Variants in C10orf71 observed in about 807,000 individuals in gnomAD.
The protein encoded by C10orf71 is chromosome 10 open reading frame 71.
For missense variants in C10orf71, 1,869 were observed against 1,804.5 expected, an observed-to-expected ratio of 1.04 and a Z score of -0.65; for synonymous variants, 758 against 726.3, an observed-to-expected ratio of 1.04 and a Z score of -0.70.
intron 1 of C10orf71, among the ~76,000 whole-genome samples, chr10:49,312,377 G>A (rs1848929909): frequency 1.3e-5 from 2 of 152,242 alleles, no homozygotes; most frequent in African/African-American, 4.8e-5. Context: ...AGTGGAGGAA[G>A]TGCTGGAGGT....
chr10:49,317,478 G>A (rs1192321992), intron 2 of C10orf71, among the ~76,000 whole-genome samples: 2 of 152,212 alleles, frequency 1.3e-5, no homozygotes, highest in African/African-American at 4.8e-5. Context: ...TGGAAATAAG[G>A]CTGTTACAGA....
chr10:49,321,681 G>T (rs1285359722), intron 2 of C10orf71, among the ~76,000 whole-genome samples: 2 of 152,176 alleles, frequency 1.3e-5, no homozygotes, highest in African/African-American at 4.8e-5. Context: ...GTGTACAGGG[G>T]TCCCCTTTTC....
chr10:49,300,183 G>A (rs7900404), intron 1 of C10orf71, among the ~76,000 whole-genome samples: 20,734 of 152,206 alleles, frequency 0.14, 1,727 homozygotes, highest in South Asian at 0.23. Flanking sequence ...ACAGATGTGT[G>A]TAGTAAATGA....
At position 49,323,475 on chromosome 10, in the gene C10orf71, C is replaced by A. The variant is rs73307889; in HGVS notation, c.930C>A (p.Thr310=). 3.3e-3 allele frequency: 5,365 copies of A among 1,613,874 alleles called. 158 individuals carry two copies. In the African/African-American group the frequency reaches 0.064, roughly 19 times the overall value. ...SKAPKHYGDT[T]LLREPCPPER... ...CTCCCAAGCACTATGGGGACACGAC[C>A]TTGCTAAGAGAACCCTGTCCTCCTG... Residue 310 remains threonine, a synonymous_variant, in exon 3 of 3, where the codon ACC becomes ACA. Coordinates refer to ENST00000374144, the MANE Select transcript of C10orf71 (RefSeq NM_001135196.2).
chr10:49,312,947 T>G lies in C10orf71; in HGVS notation c.-247-3198T>G, dbSNP rs569743073. ...TAAGTTCTGCTAAGCCTGTCAAAAG[T>G]GTGAGTAATATCATGACAGGTGGAA... On this transcript the variant is annotated intron_variant, in intron 1 of 2. Coordinates refer to ENST00000374144, the MANE Select transcript of C10orf71 (RefSeq NM_001135196.2). Among the ~76,000 whole-genome samples the G allele has an allele frequency of 1.1e-4, 17 of 152,318 alleles. No individual in the cohort carries two copies. In the East Asian group the frequency reaches 1.7e-3, roughly 16 times the overall value.
chr10:49,321,561 G>T (rs1849093720), intron 2 of C10orf71, among the ~76,000 whole-genome samples: 1 of 152,166 alleles, frequency 6.6e-6, no homozygotes. Flanking sequence ...CTTTGGGCCT[G>T]TACCCAGATA....
intron 1 of C10orf71, among the ~76,000 whole-genome samples, chr10:49,304,687 C>T (rs559012942): frequency 2.2e-4 from 34 of 152,340 alleles, no homozygotes; most frequent in Admixed American, 1.6e-3. Flanking sequence ...TGGCACCCTC[C>T]GGGGCTGCTT....
chr10:49,306,437 G>A (rs1234764137), intron 1 of C10orf71, among the ~76,000 whole-genome samples: 1 of 152,228 alleles, frequency 6.6e-6, no homozygotes, highest in Non-Finnish European at 1.5e-5. Context: ...CGCACTGCTG[G>A]TACTGCCTAT....
intron 1 of C10orf71, among the ~76,000 whole-genome samples, chr10:49,314,043 G>C (rs1246864594): frequency 1.3e-5 from 2 of 152,166 alleles, no homozygotes; most frequent in Non-Finnish European, 1.5e-5. Context: ...GACAGGGAGG[G>C]GAGAAGGAAA....
At position 49,322,815 on chromosome 10, in the gene C10orf71, G is replaced by A. The variant is rs374572081; in HGVS notation, c.270G>A (p.Thr90=). ...GGAGCCAGTTACCGTCACAGGGCAC[G>A]GAACATTCGGGCTGGGCGGCCACCT... The part of the protein sequence containing the change: ...GIWSQLPSQG[T]EHSGWAATFQ... Residue 90 remains threonine (T), a synonymous_variant, in exon 3 of 3, where the codon ACG becomes ACA. Transcript: ENST00000374144. 7.8e-5 allele frequency: 126 copies of A among 1,613,894 alleles called. 1 individual carries two copies. In the Middle Eastern group the frequency reaches 9.9e-4, roughly 13 times the overall value.
intron 2 of C10orf71, among the ~76,000 whole-genome samples, chr10:49,319,544 G>A (rs1849055646): frequency 1.3e-5 from 2 of 151,810 alleles, no homozygotes; most frequent in Admixed American, 6.6e-5. Flanking sequence ...TGAAAGCAGG[G>A]TCTTTGAGAG....
intron 1 of C10orf71, among the ~76,000 whole-genome samples, chr10:49,300,480 A>AAAG (rs1848708853): frequency 1.3e-5 from 2 of 149,510 alleles, no homozygotes; most frequent in South Asian, 4.2e-4. Context: ...AAAAAAAAAA[A>AAAG]GCAGTGAAAG....
intron 1 of C10orf71, among the ~76,000 whole-genome samples, chr10:49,305,026 C>G (rs927964293): frequency 5.3e-5 from 8 of 152,250 alleles, no homozygotes; most frequent in Admixed American, 6.5e-5. Flanking sequence ...GATTCTGAAG[C>G]TCTTAACTGG....
In C10orf71 at chr10:49,325,767, C is replaced by T. The variant is rs1849224145; in HGVS notation, c.3222C>T (p.Asn1074=). ...ESSACSPAAS[N]IWEESSQAPG... ...GTGCCTGCTCCCCTGCTGCCAGCAA[C>T]ATTTGGGAGGAGTCTTCCCAGGCCC... is the stretch of plus-strand genomic sequence containing the variant. The change falls in exon 3 of 3, where the codon AAC becomes AAT. Residue 1074 remains asparagine (N), a synonymous_variant. Transcript: ENST00000374144. The T allele has an allele frequency of 1.3e-6, 2 of 1,551,354 alleles. No individual in the cohort carries two copies. The highest frequency in any genetic ancestry group is 2.0e-5 in the Admixed American group (1 of 50,970).
At chr10:49,303,671 C>T (rs1207074813) in intron 1 of C10orf71, among the ~76,000 whole-genome samples, 2 of 152,222 alleles carry the variant, frequency 1.3e-5, no homozygotes, top group Non-Finnish European at 2.9e-5. Context: ...CCAAGTTTTT[C>T]ACATCAACAC....
intron 1 of C10orf71, among the ~76,000 whole-genome samples, chr10:49,313,599 C>A (rs867238413): frequency 6.6e-6 from 1 of 152,044 alleles, no homozygotes; most frequent in Admixed American, 6.5e-5. Flanking sequence ...TTGGTCCACA[C>A]AATGACCGTG....
At chr10:49,314,528 C>A (rs1420359255) in intron 1 of C10orf71, among the ~76,000 whole-genome samples, 2 of 152,192 alleles carry the variant, frequency 1.3e-5, no homozygotes, top group Non-Finnish European at 2.9e-5. Context: ...AAATTCATGC[C>A]AGCAGCAATG....
chr10:49,323,853 T>C lies in C10orf71; in HGVS notation c.1308T>C (p.His436=), dbSNP rs1195096044. 6.8e-6 allele frequency: 11 copies of C among 1,613,666 alleles called. No homozygotes were observed. The South Asian group carries it at 1.1e-4, about 16-fold the overall frequency. ...ACCTGCCTGTGGAACCCAATGAACA[T>C]TATGATCCCCCCTTTAACATCAGTA... ...ALDLPVEPNE[H]YDPPFNISKL... The change falls in exon 3 of 3, where the codon CAT becomes CAC. Residue 436 remains histidine, a synonymous_variant. Transcript: ENST00000374144.
chr10:49,314,425 T>G (rs144620384), intron 1 of C10orf71, among the ~76,000 whole-genome samples: 1 of 152,344 alleles, frequency 6.6e-6, no homozygotes, highest in East Asian at 1.9e-4. Context: ...ACTGGCAAAG[T>G]GCTCTATGAG....
Sources: gnomAD v4.1 joint callset for allele counts (sites outside exome capture counted in the v4.1 genomes callset) on GRCh38, gnomAD v4.1.1 for gene constraint, MANE v1.5 for transcripts, NCBI Gene and HGNC (gene_info 2026-07-23, HGNC 2026-07-21) for gene names.